Variants in MTO1 observed in about 807,000 individuals in gnomAD.
MTO1 encodes the protein 5-taurinomethyluridine-[tRNA] synthase subunit MTO1, mitochondrial.
Under a neutral mutation model 71.6 loss-of-function variants are expected in MTO1, and 46 were observed. The ratio of observed to expected loss-of-function variants is 0.64; its 90% CI spans 0.51 to 0.82. MTO1 has a LOEUF of 0.82. Ranked by LOEUF, MTO1 falls within the 40% of genes least tolerant of loss-of-function variation. The pLI is 0.00. For synonymous variants in MTO1, 297 were observed against 312.1 expected, an observed-to-expected ratio of 0.95 and a Z score of 0.51; for missense variants, 773 against 867.5, an observed-to-expected ratio of 0.89 and a Z score of 1.37.
chr6:73,478,338 G>T (rs1216745018), intron 4 of MTO1, among the ~76,000 whole-genome samples: 2 of 151,882 alleles, frequency 1.3e-5, no homozygotes, highest in Non-Finnish European at 2.9e-5. Flanking sequence ...CCAGCACTTT[G>T]GGAGGCCAAG....
chr6:73,473,330 A>T, intron 3 of MTO1, 35 bp from the exon 4 acceptor site: 1 of 1,553,182 alleles, frequency 6.4e-7, no homozygotes, highest in Non-Finnish European at 8.8e-7. Context: ...ATAGATACAT[A>T]GATAATGACT....
At chr6:73,492,135 A>G in intron 9 of MTO1, 99 bp from the exon 10 acceptor site, 1 of 758,106 alleles carries the variant, frequency 1.3e-6, no homozygotes, top group Non-Finnish European at 2.2e-6. Flanking sequence ...ATCTTTTGGT[A>G]TTTATTCTGA....
At chr6:73,499,605 C>T (rs1254948868) in intron 11 of MTO1, among the ~76,000 whole-genome samples, 1 of 152,052 alleles carries the variant, frequency 6.6e-6, no homozygotes, top group African/African-American at 2.4e-5. Context: ...TGCCCAGTAG[C>T]CACATATGAC....
chr6:73,493,935 A>G (rs1048921516), intron 10 of MTO1, among the ~76,000 whole-genome samples: 1 of 151,952 alleles, frequency 6.6e-6, no homozygotes, highest in Non-Finnish European at 1.5e-5. Flanking sequence ...GAAAATTTTT[A>G]TTATGAAAAT....
At chr6:73,493,714 T>A (rs534971960) in intron 10 of MTO1, among the ~76,000 whole-genome samples, 6 of 151,832 alleles carry the variant, frequency 4.0e-5, no homozygotes, top group Non-Finnish European at 8.8e-5. Flanking sequence ...CTTTATATAT[T>A]TTTTTAACCC....
In MTO1 at chr6:73,502,017, A is replaced by G. The variant is rs1231524205; in HGVS notation, c.*1282A>G. ...TAAAAAGTATTTGTAGTGCTGGATAATTTAGGAATGATGAATATTTTTTAA... is the reference window on the plus strand; with the variant it reads ...TAAAAAGTATTTGTAGTGCTGGATAGTTTAGGAATGATGAATATTTTTTAA... On this transcript the variant is annotated 3_prime_UTR_variant, in exon 12 of 12. Coordinates refer to ENST00000498286, the MANE Select transcript of MTO1 (RefSeq NM_012123.4). The G allele has an allele frequency of 2.0e-5, 3 of 152,230 alleles. No homozygotes were observed. The highest frequency in any genetic ancestry group is 1.3e-4 in the Admixed American group (2 of 15,284). 9.4% of individuals were successfully genotyped at this position (152,230 alleles called of 1,614,324 possible). A position where few individuals can be genotyped will look rare whatever the true frequency, so the allele number is the denominator to read the frequency against.
rs909762772 is a variant in MTO1, at chr6:73,482,323, G to T, written c.1465+79G>T. The T allele has an allele frequency of 1.9e-6, 3 of 1,567,298 alleles. No individual in the cohort carries two copies. The Admixed American group carries it at 5.1e-5, about 27-fold the overall frequency. On this transcript the variant is annotated intron_variant, in intron 8 of 11. Coordinates refer to ENST00000498286, the MANE Select transcript of MTO1 (RefSeq NM_012123.4). The stretch of plus-strand genomic sequence containing the variant: ...AATCCAAGCAATTTGAGAGACCAAG[G>T]CAAGAGGATCACTTGAGGCCAGGAG...
intron 9 of MTO1, chr6:73,486,706 C>A: frequency 3.1e-6 from 1 of 318,736 alleles, no homozygotes; most frequent in Non-Finnish European, 6.4e-6. Context: ...CCATTGCACC[C>A]AAACCTGAGG....
At chr6:73,493,318 G>T (rs1305326328) in intron 10 of MTO1, among the ~76,000 whole-genome samples, 2 of 145,094 alleles carry the variant, frequency 1.4e-5, no homozygotes, top group Non-Finnish European at 3.0e-5. Flanking sequence ...TTTTATAGGA[G>T]GGCACCACAG....
chr6:73,494,498 A>G lies in MTO1; in HGVS notation c.1756+2146A>G, dbSNP rs574222310. On this transcript the variant is annotated intron_variant, in intron 10 of 11. Coordinates refer to ENST00000498286, the MANE Select transcript of MTO1 (RefSeq NM_012123.4). Reference sequence around the variant, plus strand: ...TTTTTTCTTTTTTTTTTTTTTTGAGACGGAGTCTCGCTTTGTCGCCCAGGC... The same window carrying G: ...TTTTTTCTTTTTTTTTTTTTTTGAGGCGGAGTCTCGCTTTGTCGCCCAGGC... Among the ~76,000 whole-genome samples, 25 of 143,474 alleles carry G rather than the reference A, an allele frequency of 1.7e-4. No individual in the cohort carries two copies. The East Asian group carries it at 2.6e-3, about 15-fold the overall frequency. 94.1% of individuals were successfully genotyped at this position (143,474 alleles called of 152,430 possible).
chr6:73,482,113 G>T lies in MTO1; in HGVS notation c.1334G>T (p.Gly445Val), dbSNP rs202008685. 103 of 1,614,176 alleles carry T rather than the reference G, an allele frequency of 6.4e-5. No individual in the cohort carries two copies. The highest frequency in any genetic ancestry group is 7.5e-5 in the Non-Finnish European group (88 of 1,180,040). ...CCCTTTGTGGTTAGCCGAACAGAAG[G>T]TTACATAGGAGTCTTGATTGATGAC... ...KPPFVVSRTE[G>V]YIGVLIDDLT... Residue 445 changes from glycine to valine, a missense_variant, in exon 8 of 12, where the codon GGT (glycine) becomes GTT (valine). Gly to Val is a moderately radical substitution (Grantham distance 109). Transcript: ENST00000498286.
At chr6:73,465,709 G>A (rs1335983537) in intron 1 of MTO1, among the ~76,000 whole-genome samples, 3 of 152,070 alleles carry the variant, frequency 2.0e-5, no homozygotes, top group Non-Finnish European at 2.9e-5. Flanking sequence ...AGTTCAGGCC[G>A]GGCGCGGTGG....
chr6:73,466,249 G>A lies in MTO1; in HGVS notation c.258G>A (p.Lys86=), dbSNP rs777174074. The change falls in exon 2 of 12, where the codon AAG becomes AAA. Residue 86 remains lysine (K), a synonymous_variant. Coordinates refer to ENST00000498286, the MANE Select transcript of MTO1 (RefSeq NM_012123.4). The part of the protein sequence containing the change: ...SCNPSFGGIG[K]GHLMREVDAL... ...ATCCTTCCTTTGGTGGCATCGGAAA[G>A]GGACATTTAATGAGGGAAGTAGATG... 2.2e-5 allele frequency: 35 copies of A among 1,613,962 alleles called. No homozygotes were observed. The highest frequency in any genetic ancestry group is 2.8e-5 in the Non-Finnish European group (33 of 1,179,962).
In MTO1 at chr6:73,509,009, A is replaced by G. The variant is rs1484378037; in HGVS notation, c.*8274A>G. ...GCTGAGAACCAGTTCCTCAGTTTGC[A>G]TGCCTCCAGACAGCACTAGAAGTCA... On this transcript the variant is annotated 3_prime_UTR_variant, in exon 12 of 12. Transcript: ENST00000498286. 6.6e-6 allele frequency: 1 copy of G among 152,270 alleles called. No individual in the cohort carries two copies. The highest frequency in any genetic ancestry group is 1.5e-5 in the Non-Finnish European group (1 of 68,062). The allele number at this position is 152,270 out of a possible 1,614,324, so 9.4% of individuals were successfully genotyped here.
Position 73,500,839 on chromosome 6 carries a change from G to T in MTO1, c.*104G>T, listed in dbSNP as rs1772141351. 15 of 986,342 alleles carry T rather than the reference G, an allele frequency of 1.5e-5. No homozygotes were observed. The highest frequency in any genetic ancestry group is 2.0e-5 in the Non-Finnish European group (15 of 737,972). The allele number at this position is 986,342 out of a possible 1,614,324, so 61.1% of individuals were successfully genotyped here. A position where few individuals can be genotyped will look rare whatever the true frequency, so the allele number is the denominator to read the frequency against. ...GCACATGTTAAAATAGCTTTATTAGGTTACTATGGGTTTGCCATTAATTTC... is the reference window on the plus strand; with the variant it reads ...GCACATGTTAAAATAGCTTTATTAGTTTACTATGGGTTTGCCATTAATTTC... On this transcript the variant is annotated 3_prime_UTR_variant, in exon 12 of 12. Transcript: ENST00000498286.
In MTO1 at chr6:73,465,979, A is replaced by G. The variant is rs536326664; in HGVS notation, c.218-230A>G. Reference sequence around the variant, plus strand: ...AGCCTGGGTGACAGAGTGAGACTCCATCTTAAAAAAAACAAAAGGAAGTTC... The same window carrying G: ...AGCCTGGGTGACAGAGTGAGACTCCGTCTTAAAAAAAACAAAAGGAAGTTC... On this transcript the variant is annotated intron_variant, in intron 1 of 11. Coordinates refer to ENST00000498286, the MANE Select transcript of MTO1 (RefSeq NM_012123.4). Among the ~76,000 whole-genome samples, 3 of 152,242 alleles carry G rather than the reference A, an allele frequency of 2.0e-5. No homozygotes were observed. In the East Asian group the frequency reaches 5.8e-4, roughly 29 times the overall value.
chr6:73,461,952 G>C lies in MTO1; in HGVS notation c.98G>C (p.Arg33Pro), dbSNP rs1057444357. The change falls in exon 1 of 12, where the codon CGG becomes CCG. Residue 33 changes from arginine (R) to proline (P), a missense_variant. By Grantham distance (103) the Arg-to-Pro change is moderately radical. Transcript: ENST00000498286. ...TTGAGCAGTGACAGCGCGGCGCCCC[G>C]GACTCCGCACTTCGACGTGATAGTC... is the stretch of plus-strand genomic sequence containing the variant. Reference protein sequence around the residue: ...ARLSSDSAAPRTPHFDVIVIG... With the variant: ...ARLSSDSAAPPTPHFDVIVIG... 1.9e-6 allele frequency: 3 copies of C among 1,614,124 alleles called. No individual in the cohort carries two copies. Among genetic ancestry groups the C allele is most frequent in the Non-Finnish European group, 2.5e-6 (3 of 1,180,048 alleles).
chr6:73,493,055 C>T (rs1401777747), intron 10 of MTO1, among the ~76,000 whole-genome samples: 2 of 135,970 alleles, frequency 1.5e-5, no homozygotes, highest in Non-Finnish European at 3.1e-5. Flanking sequence ...GGTGCAGTGG[C>T]ATGATCTCGG....
intron 9 of MTO1, among the ~76,000 whole-genome samples, chr6:73,486,086 T>G (rs1036735349): frequency 1.3e-5 from 2 of 152,182 alleles, no homozygotes; most frequent in African/African-American, 4.8e-5. Context: ...GGCTTAGGCT[T>G]GATTCAAAGC....
Sources: allele counts gnomAD v4.1 joint callset (sites outside exome capture counted in the v4.1 genomes callset), GRCh38; gene constraint gnomAD v4.1.1; transcripts MANE v1.5; gene names NCBI Gene and HGNC (gene_info 2026-07-23, HGNC 2026-07-21).